TRPC6: variants seen among roughly 807,000 people sequenced by gnomAD.
TRPC6 encodes the protein short transient receptor potential channel 6.
In TRPC6, 55 loss-of-function variants were observed where a neutral mutation model predicts 90.7. That is an observed-to-expected ratio of 0.61 (90% CI 0.49 to 0.76). The LOEUF (loss-of-function observed/expected upper bound fraction) is 0.76, where lower values mean the gene tolerates loss of function less well. TRPC6 is among the 30% of genes least tolerant of loss of function. The probability of loss-of-function intolerance (pLI) is 0.00; values close to 1 mark genes in which losing one functional copy is unlikely to be tolerated. For synonymous variants in TRPC6, 393 were observed against 393.0 expected, an observed-to-expected ratio of 1.00 and a Z score of 0.00; for missense variants, 989 against 1,122.7, an observed-to-expected ratio of 0.88 and a Z score of 1.70.
At chr11:101,550,961 T>C (rs374763390) in intron 1 of TRPC6, among the ~76,000 whole-genome samples, 2 of 151,964 alleles carry the variant, frequency 1.3e-5, no homozygotes, top group East Asian at 3.9e-4. Context: ...TGTGATTGAA[T>C]AATGAAATAT....
chr11:101,520,850 T>C (rs1860643348), intron 1 of TRPC6, among the ~76,000 whole-genome samples: 1 of 152,170 alleles, frequency 6.6e-6, no homozygotes, highest in Non-Finnish European at 1.5e-5. Flanking sequence ...GAGTGATGGA[T>C]TTAGGGTATC....
intron 1 of TRPC6, among the ~76,000 whole-genome samples, chr11:101,552,464 A>G (rs1365964862): frequency 6.6e-6 from 1 of 152,156 alleles, no homozygotes; most frequent in Non-Finnish European, 1.5e-5. Context: ...TCCAGAAAGT[A>G]TTTGTACCAA....
intron 2 of TRPC6, among the ~76,000 whole-genome samples, chr11:101,496,531 A>C (rs1311810453): frequency 2.6e-5 from 4 of 152,166 alleles, no homozygotes; most frequent in African/African-American, 9.7e-5. Context: ...CAAAACAAGA[A>C]TTGAAGAAAA....
At chr11:101,518,396 A>T (rs1207662256) in intron 1 of TRPC6, among the ~76,000 whole-genome samples, 1 of 152,188 alleles carries the variant, frequency 6.6e-6, no homozygotes, top group African/African-American at 2.4e-5. Flanking sequence ...TTTGAATAGA[A>T]ATTTCTCAAA....
At chr11:101,484,949 A>G (rs1859641284) in intron 4 of TRPC6, among the ~76,000 whole-genome samples, 1 of 152,120 alleles carries the variant, frequency 6.6e-6, no homozygotes, top group South Asian at 2.1e-4. Context: ...TAGCATAGCC[A>G]TCATCTCAAA....
At chr11:101,463,465 T>G (rs185261232) in intron 10 of TRPC6, among the ~76,000 whole-genome samples, 118 of 152,264 alleles carry the variant, frequency 7.7e-4, no homozygotes, top group African/African-American at 2.7e-3. Context: ...GGTACGCTAT[T>G]ATTACTGCCT....
chr11:101,465,164 G>C lies in TRPC6; in HGVS notation c.2484+4263C>G, dbSNP rs527725554. On this transcript the variant is annotated intron_variant, in intron 10 of 12. Transcript: ENST00000344327. ...GTTTCTGCAGAGAGATCTGCTGTTAGTCTGATGGGCTTGCCTTTGTGGGTA... is the reference window on the plus strand; with the variant it reads ...GTTTCTGCAGAGAGATCTGCTGTTACTCTGATGGGCTTGCCTTTGTGGGTA... Among the ~76,000 whole-genome samples the C allele has an allele frequency of 3.9e-5, 6 of 152,316 alleles. 1 individual carries two copies. In the South Asian group the frequency reaches 1.2e-3, roughly 32 times the overall value.
intron 5 of TRPC6, among the ~76,000 whole-genome samples, chr11:101,482,358 CAAAT>C (rs1313467473): frequency 6.6e-6 from 1 of 152,114 alleles, no homozygotes; most frequent in Non-Finnish European, 1.5e-5. Flanking sequence ...ATTCTAAAGA[CAAAT>C]AGTATAGCAA....
At chr11:101,502,732 G>A (rs1171355042) in intron 2 of TRPC6, among the ~76,000 whole-genome samples, 7 of 152,166 alleles carry the variant, frequency 4.6e-5, no homozygotes, top group Admixed American at 6.5e-5. Context: ...CTGCCAGGTA[G>A]CTGGAGGAAA....
intron 6 of TRPC6, among the ~76,000 whole-genome samples, chr11:101,475,255 A>G (rs915062634): frequency 6.6e-6 from 1 of 152,156 alleles, no homozygotes; most frequent in Non-Finnish European, 1.5e-5. Context: ...CTTCGTTTTC[A>G]AATACTTTTT....
chr11:101,502,943 G>T (rs1826601038), intron 2 of TRPC6, among the ~76,000 whole-genome samples: 1 of 148,446 alleles, frequency 6.7e-6, no homozygotes, highest in South Asian at 2.2e-4. Flanking sequence ...AAAGAGTATA[G>T]AAACAAGCAT....
chr11:101,513,660 C>A (rs919350454), intron 1 of TRPC6, among the ~76,000 whole-genome samples: 1 of 151,832 alleles, frequency 6.6e-6, no homozygotes, highest in South Asian at 2.1e-4. Context: ...TTATTTTTCC[C>A]TTCTTTAAGC....
At chr11:101,467,357 C>T (rs1042394947) in intron 10 of TRPC6, among the ~76,000 whole-genome samples, 1 of 152,192 alleles carries the variant, frequency 6.6e-6, no homozygotes, top group Non-Finnish European at 1.5e-5. Context: ...AGTATACTTA[C>T]TCTTCCTGCT....
intron 1 of TRPC6, among the ~76,000 whole-genome samples, chr11:101,514,449 G>A (rs11224810): frequency 6.6e-6 from 1 of 152,110 alleles, no homozygotes; most frequent in African/African-American, 2.4e-5. Flanking sequence ...CTGAGAGGAG[G>A]GAAGAGGAGA....
At chr11:101,581,732 G>T (rs1247489659) in intron 1 of TRPC6, among the ~76,000 whole-genome samples, 2 of 152,074 alleles carry the variant, frequency 1.3e-5, no homozygotes. Context: ...TTCTATTCTT[G>T]TTTTTTCTTG....
At chr11:101,467,151 G>A (rs1226620029) in intron 10 of TRPC6, among the ~76,000 whole-genome samples, 1 of 152,068 alleles carries the variant, frequency 6.6e-6, no homozygotes, top group African/African-American at 2.4e-5. Context: ...GTTCCTATTC[G>A]GCCATCTTGC....
Position 101,464,386 on chromosome 11 carries a change from G to A in TRPC6, c.2484+5041C>T, listed in dbSNP as rs904319390. Among the ~76,000 whole-genome samples, 7 of 152,108 alleles carry A rather than the reference G, an allele frequency of 4.6e-5. No homozygotes were observed. In the East Asian group the frequency reaches 5.8e-4, roughly 13 times the overall value. On this transcript the variant is annotated intron_variant, in intron 10 of 12. Transcript: ENST00000344327. Reference sequence around the variant, plus strand: ...TGTTGATCTGTCTAATATTGAGATTGGGATGTTAGAGTCTCTCACTATTAT... The same window carrying A: ...TGTTGATCTGTCTAATATTGAGATTAGGATGTTAGAGTCTCTCACTATTAT...
At chr11:101,453,908 G>A (rs962021150) in intron 11 of TRPC6, among the ~76,000 whole-genome samples, 183 bp from the exon 12 acceptor site, 2 of 152,136 alleles carry the variant, frequency 1.3e-5, no homozygotes, top group Non-Finnish European at 1.5e-5. Context: ...TTTTAAAGCA[G>A]TTTTCACATC....
intron 1 of TRPC6, among the ~76,000 whole-genome samples, chr11:101,509,466 G>C (rs1860349724): frequency 6.6e-6 from 1 of 151,872 alleles, no homozygotes; most frequent in African/African-American, 2.4e-5. Flanking sequence ...TTTTTAATCT[G>C]GTTTACAAAA....
Sources: allele counts gnomAD v4.1 joint callset (sites outside exome capture counted in the v4.1 genomes callset), GRCh38; gene constraint gnomAD v4.1.1; transcripts MANE v1.5; gene names NCBI Gene and HGNC (gene_info 2026-07-23, HGNC 2026-07-21).